The following JRK variants were observed in gnomAD, a reference collection of about 807,000 sequenced individuals.
JRK encodes the protein Jrk helix-turn-helix protein.
For synonymous variants in JRK, 303 were observed against 218.1 expected (o/e 1.39, Z -3.43); for missense variants, 720 against 509.2 (o/e 1.41, Z -3.98).
At chr8:142,644,699 A>C in the JRK span, among the ~76,000 whole-genome samples, 4 of 152,240 alleles carry the variant, frequency 2.6e-5, no homozygotes, top group Admixed American at 6.5e-5. Context: ...ATTTCAAAAA[A>C]GGTGAAAACC....
At chr8:142,643,707 C>T in the JRK span, among the ~76,000 whole-genome samples, 1 of 152,158 alleles carries the variant, frequency 6.6e-6, no homozygotes, top group Non-Finnish European at 1.5e-5. Context: ...TTTATTGGCT[C>T]TGTAAGTCAA....
the JRK span, among the ~76,000 whole-genome samples, chr8:142,645,345 T>C: frequency 6.6e-6 from 1 of 152,168 alleles, no homozygotes; most frequent in African/African-American, 2.4e-5. Flanking sequence ...AATAATAGTG[T>C]AACAACTTGA....
rs782083722 is a variant in JRK, at chr8:142,663,373, T to C, written c.*979A>G. 2.6e-5 allele frequency: 26 copies of C among 985,342 alleles called. No homozygotes were observed. Among genetic ancestry groups the C allele is most frequent in the Non-Finnish European group, 3.0e-5 (25 of 829,932 alleles). 61.0% of individuals were successfully genotyped at this position (985,342 alleles called of 1,614,324 possible). On this transcript the variant is annotated 3_prime_UTR_variant, in exon 2 of 2. Transcript: ENST00000612905. ...ACAGACAACTCCTCCCCAAAAGTAT[T>C]ACTAACGTGCTAACAGCTGGGGATA...
chr8:142,644,582 A>G, the JRK span, among the ~76,000 whole-genome samples: 2 of 152,212 alleles, frequency 1.3e-5, no homozygotes, highest in Non-Finnish European at 2.9e-5. Flanking sequence ...AAAAGACATA[A>G]TTTATAATTT....
In JRK at chr8:142,661,300, C is replaced by G; in HGVS notation, c.*3052G>C. The G allele has an allele frequency of 2.0e-6, 2 of 985,496 alleles. No homozygotes were observed. Among genetic ancestry groups the G allele is most frequent in the Non-Finnish European group, 2.4e-6 (2 of 829,978 alleles). The allele number at this position is 985,496 out of a possible 1,614,324, so 61.0% of individuals were successfully genotyped here. A position where few individuals can be genotyped will look rare whatever the true frequency, so the allele number is the denominator to read the frequency against. On this transcript the variant is annotated 3_prime_UTR_variant, in exon 2 of 2. Coordinates refer to ENST00000612905, the MANE Select transcript of JRK (RefSeq NM_003724.4). ...AGGGGCTGAAAGACCACCTACCCAT[C>G]CTAACCCCTGAATTCACCATGCCAC...
At chr8:142,645,129 A>G in the JRK span, among the ~76,000 whole-genome samples, 2 of 152,194 alleles carry the variant, frequency 1.3e-5, no homozygotes, top group Admixed American at 6.5e-5. Context: ...TTTGAATGGC[A>G]TCTTCTACTG....
rs1313282778 is a variant in JRK, at chr8:142,658,925, T to A, written c.*5427A>T. On this transcript the variant is annotated 3_prime_UTR_variant, in exon 2 of 2. Coordinates refer to ENST00000612905, the MANE Select transcript of JRK (RefSeq NM_003724.4). ...CTCCTCTGGTGAGGTCACTACCACA[T>A]CCTCAAGGCCCACAGTCTCCTGAAA... The A allele has an allele frequency of 6.2e-7, 1 of 1,613,318 alleles. No homozygotes were observed. The highest frequency in any genetic ancestry group is 2.2e-5 in the East Asian group (1 of 44,884).
the JRK span, among the ~76,000 whole-genome samples, chr8:142,648,608 G>C: frequency 6.6e-6 from 1 of 152,380 alleles, no homozygotes; most frequent in Admixed American, 6.5e-5. Context: ...CTACATTTCA[G>C]ATGTATGGAA....
In JRK at chr8:142,664,302, A is replaced by G; in HGVS notation, c.*50T>C. The G allele has an allele frequency of 6.6e-7, 1 of 1,506,968 alleles. No individual in the cohort carries two copies. Among genetic ancestry groups the G allele is most frequent in the African/African-American group, 1.4e-5 (1 of 71,900 alleles). The allele number at this position is 1,506,968 out of a possible 1,614,324, so 93.3% of individuals were successfully genotyped here. A position where few individuals can be genotyped will look rare whatever the true frequency, so the allele number is the denominator to read the frequency against. On this transcript the variant is annotated 3_prime_UTR_variant, in exon 2 of 2. Transcript: ENST00000612905. ...TCGGGGCACAGGACCATGCCACTCC[A>G]GGGTGTGGGGAGAAACAGGGCCAGT...
At chr8:142,667,708 T>C (rs1276547717) in intron 1 of JRK, among the ~76,000 whole-genome samples, 2 of 152,140 alleles carry the variant, frequency 1.3e-5, no homozygotes, top group Non-Finnish European at 2.9e-5. Context: ...CTTTGACCAA[T>C]AGGAAGAAAA....
chr8:142,664,766 C>G lies in JRK; in HGVS notation c.1293G>C (p.Gln431His), dbSNP rs201424108. 9.1e-5 allele frequency: 145 copies of G among 1,589,670 alleles called. No homozygotes were observed. In the African/African-American group the frequency reaches 1.8e-3, roughly 19 times the overall value. Residue 431 changes from glutamine to histidine, a missense_variant, in exon 2 of 2, where the codon CAG becomes CAC. Coordinates refer to ENST00000612905, the MANE Select transcript of JRK (RefSeq NM_003724.4). ...LVKEGSSCPG[Q>H]LRQRQAASWG... ...AGCTGGCGGCCTGGCGCTGGCGAAGCTGGCCCGGGCAGGAGGAGCCTTCCT... is the reference window on the plus strand; with the variant it reads ...AGCTGGCGGCCTGGCGCTGGCGAAGGTGGCCCGGGCAGGAGGAGCCTTCCT...
At chr8:142,647,867 G>T in the JRK span, among the ~76,000 whole-genome samples, 5,351 of 152,330 alleles carry the variant, frequency 0.035, 118 homozygotes, top group Non-Finnish European at 0.053. Context: ...GGAAAGTTTG[G>T]AACTTCCTAG....
rs782570932 is a variant in JRK at position 142,665,923 on chromosome 8, T to C, written c.136A>G (p.Asn46Asp). 1.2e-6 allele frequency: 1 copy of C among 813,130 alleles called. No homozygotes were observed. Among genetic ancestry groups the C allele is most frequent in the East Asian group, 2.4e-5 (1 of 41,390 alleles). The allele number at this position is 813,130 out of a possible 1,614,324, so 50.4% of individuals were successfully genotyped here. A position where few individuals can be genotyped will look rare whatever the true frequency, so the allele number is the denominator to read the frequency against. The change falls in exon 2 of 2, where the codon AAT becomes GAT. Residue 46 changes from asparagine (N) to aspartate (D), a missense_variant. Physicochemically the swap from Asn to Asp is conservative, Grantham distance 23. Transcript: ENST00000612905. ...ESRKALMQEY[N>D]VGMSTLYDIR... ...TCGTAGAGGGTGGACATGCCCACAT[T>C]GTACTCCTGCATCAGTGCCTTCCGG...
Position 142,660,203 on chromosome 8 carries a change from T to C in JRK, c.*4149A>G, listed in dbSNP as rs587750786. The stretch of plus-strand genomic sequence containing the variant: ...ACGCAGTGCCCGAGAGCTCAGCCCT[T>C]GTCAAGGAGAGTCCTCGAACCCAGA... On this transcript the variant is annotated 3_prime_UTR_variant, in exon 2 of 2. Transcript: ENST00000612905. 6.4e-5 allele frequency: 63 copies of C among 985,478 alleles called. No individual in the cohort carries two copies. In the African/African-American group the frequency reaches 1.1e-3, roughly 17 times the overall value. 61.0% of individuals were successfully genotyped at this position (985,478 alleles called of 1,614,324 possible).
the JRK span, among the ~76,000 whole-genome samples, chr8:142,651,700 C>A: frequency 1.3e-5 from 2 of 152,108 alleles, no homozygotes; most frequent in African/African-American, 4.8e-5. Flanking sequence ...AACAAAACAA[C>A]AAAGAGCAAA....
At position 142,664,449 on chromosome 8, in the gene JRK, G is replaced by GCCCCGAGGGCACCACGCCGCCTCC; in HGVS notation, c.1586_1609dup (p.Gly536_Ala537insGlyArgArgArgGlyAlaLeuGly). 6.2e-7 allele frequency: 1 copy of GCCCCGAGGGCACCACGCCGCCTCC among 1,611,714 alleles called. No homozygotes were observed. The highest frequency in any genetic ancestry group is 8.5e-7 in the Non-Finnish European group (1 of 1,179,076). On this transcript the variant is annotated inframe_insertion, in exon 2 of 2. Coordinates refer to ENST00000612905, the MANE Select transcript of JRK (RefSeq NM_003724.4). ...CTGGAGGGCTTCAACCTTGACCACA[G>GCCCCGAGGGCACCACGCCGCCTCC]CCCCGAGGGCACCACGCCGCCTCCT...
At position 142,663,674 on chromosome 8, in the gene JRK, G is replaced by A. The variant is rs587618775; in HGVS notation, c.*678C>T. 1.0e-6 allele frequency: 1 copy of A among 985,456 alleles called. No individual in the cohort carries two copies. The highest frequency in any genetic ancestry group is 1.2e-6 in the Non-Finnish European group (1 of 829,954). The allele number at this position is 985,456 out of a possible 1,614,324, so 61.0% of individuals were successfully genotyped here. ...AACTCTACCAAGTCAACTCTCCGTGGGGCCCCCCAACATCTTGGGGCCAGA... is the reference window on the plus strand; with the variant it reads ...AACTCTACCAAGTCAACTCTCCGTGAGGCCCCCCAACATCTTGGGGCCAGA... On this transcript the variant is annotated 3_prime_UTR_variant, in exon 2 of 2. Transcript: ENST00000612905.
At chr8:142,656,691 T>C (rs1159263129), downstream of JRK, among the ~76,000 whole-genome samples, 3 of 152,344 alleles carry the variant, frequency 2.0e-5, no homozygotes, top group East Asian at 3.9e-4. Flanking sequence ...ATGAAGTCAG[T>C]TCCTGTGGGG....
rs1321485914 is a variant in JRK, at chr8:142,665,029, T to C, written c.1030A>G (p.Ile344Val). The C allele has an allele frequency of 4.2e-6, 3 of 715,884 alleles. No homozygotes were observed. The highest frequency in any genetic ancestry group is 2.0e-5 in the Admixed American group (1 of 49,998). The allele number at this position is 715,884 out of a possible 1,614,324, so 44.3% of individuals were successfully genotyped here. The change falls in exon 2 of 2, where the codon ATT (isoleucine) becomes GTT (valine). Residue 344 changes from isoleucine (I) to valine (V), a missense_variant. Physicochemically the swap from Ile to Val is conservative, Grantham distance 29. Coordinates refer to ENST00000612905, the MANE Select transcript of JRK (RefSeq NM_003724.4). Reference sequence around the variant, plus strand: ...CCCTGCAGGGGGACCGGAGGGTTAATGAAGTTCCTCATGAAATCTCTCCGA... The same window carrying C: ...CCCTGCAGGGGGACCGGAGGGTTAACGAAGTTCCTCATGAAATCTCTCCGA... ...GIRRDFMRNFINPPVPLQGPH... is the reference protein window; with the variant it reads ...GIRRDFMRNFVNPPVPLQGPH...
Sources: gnomAD v4.1 joint callset for allele counts (sites outside exome capture counted in the v4.1 genomes callset) on GRCh38, gnomAD v4.1.1 for gene constraint, MANE v1.5 for transcripts, NCBI Gene and HGNC (gene_info 2026-07-23, HGNC 2026-07-21) for gene names.